The following VAV2 variants were observed in gnomAD, a reference collection of about 807,000 sequenced individuals.
VAV2 encodes the protein vav guanine nucleotide exchange factor 2, also known as guanine nucleotide exchange factor VAV2.
A neutral mutation model predicts 132.5 loss-of-function variants in VAV2; 67 were observed. The observed-to-expected ratio is 0.51, with a 90% CI of 0.42 to 0.62. VAV2 has a LOEUF of 0.62. VAV2 is among the 20% of genes least tolerant of loss of function. The pLI, the probability that VAV2 is intolerant of heterozygous loss-of-function variation, is 0.00. For missense variants in VAV2, 938 were observed against 1,153.6 expected (o/e 0.81, Z 2.71); for synonymous variants, 492 against 443.5 (o/e 1.11, Z -1.37).
chr9:133,768,588 G>A lies in VAV2; in HGVS notation c.2443C>T (p.Pro815Ser), dbSNP rs746931943. Residue 815 changes from proline (P) to serine (S), a missense_variant, in exon 29 of 30, where the codon CCC becomes TCC. Pro to Ser is a moderately conservative substitution (Grantham distance 74). Transcript: ENST00000371850. This position sits in a 1 kb window ranked among gnomAD's most constrained non-coding sequence, Gnocchi z 5.3. ...GCCACAGCTGTGCCGATGACGCGGG[G>A]CGTGAACACTGTTGAGGGAGATGGG... The part of the protein sequence containing the change: ...PSAPFWSVFT[P>S]RVIGTAVARY... The A allele has an allele frequency of 2.0e-5, 32 of 1,613,624 alleles. No individual in the cohort carries two copies. The South Asian group carries it at 3.4e-4, about 17-fold the overall frequency.
At chr9:133,986,310 T>G (rs1291680625) in intron 1 of VAV2, among the ~76,000 whole-genome samples, 1 of 152,172 alleles carries the variant, frequency 6.6e-6, no homozygotes, top group Non-Finnish European at 1.5e-5. Flanking sequence ...GAGCATTCTG[T>G]AACCAAAGGA....
At chr9:133,930,642 C>T (rs930713473) in intron 2 of VAV2, among the ~76,000 whole-genome samples, 2 of 152,220 alleles carry the variant, frequency 1.3e-5, no homozygotes, top group Non-Finnish European at 2.9e-5. Context: ...TCCACTGTAC[C>T]GCAGAGCACA....
intron 21 of VAV2, 144 bp from the exon 22 acceptor site, chr9:133,779,033 C>T: frequency 9.5e-7 from 1 of 1,047,996 alleles, no homozygotes; most frequent in Non-Finnish European, 1.4e-6. Context: ...TCCCTAAATC[C>T]TTCCCATAAG....
rs148121806 is a variant in VAV2 at position 133,820,959 on chromosome 9, G to A, written c.450-8743C>T. ...CGGAACCAGAGCGCCAGCCCCACAT[G>A]GCCCTCCACGCAATCCCACAGGGGA... On this transcript the variant is annotated intron_variant, in intron 4 of 29. Transcript: ENST00000371850. Among the ~76,000 whole-genome samples, 1,374 of 152,290 alleles carry A rather than the reference G, an allele frequency of 9.0e-3. 2 individuals carry two copies. The highest frequency in any genetic ancestry group is 0.02 in the African/African-American group (817 of 41,552).
chr9:133,901,858 A>G (rs891657690), intron 2 of VAV2, among the ~76,000 whole-genome samples: 4 of 152,358 alleles, frequency 2.6e-5, no homozygotes, highest in African/African-American at 9.6e-5. Flanking sequence ...GGTCAGTGGC[A>G]ATGTGCCACC....
rs530061730 is a variant in VAV2, at chr9:133,939,565, C to T, written c.205-346G>A. Among the ~76,000 whole-genome samples, 14 of 152,336 alleles carry T rather than the reference C, an allele frequency of 9.2e-5. No individual in the cohort carries two copies. The South Asian group carries it at 2.3e-3, about 25-fold the overall frequency. On this transcript the variant is annotated intron_variant, in intron 1 of 29. Transcript: ENST00000371850. ...CACTCCCCGTAACCGTAGGTCAGGGCGGCAAGGCAGCACCCTGGGCCCTCC... is the reference window on the plus strand; with the variant it reads ...CACTCCCCGTAACCGTAGGTCAGGGTGGCAAGGCAGCACCCTGGGCCCTCC...
intron 1 of VAV2, among the ~76,000 whole-genome samples, chr9:133,967,407 G>A (rs1412910936): frequency 9.9e-5 from 15 of 152,184 alleles, no homozygotes; most frequent in Non-Finnish European, 5.9e-5. Flanking sequence ...CACCAGGCAT[G>A]TAAACAAAAG....
intron 2 of VAV2, among the ~76,000 whole-genome samples, chr9:133,923,604 C>G (rs1294501959): frequency 6.6e-6 from 1 of 152,138 alleles, no homozygotes; most frequent in East Asian, 1.9e-4. Context: ...GGATCTAGAA[C>G]TAGAAATACC....
chr9:133,847,613 CT>C (rs1739312942), intron 3 of VAV2, among the ~76,000 whole-genome samples: 1 of 152,178 alleles, frequency 6.6e-6, no homozygotes. Flanking sequence ...CCCTGGCCCC[CT>C]GACTCCCAGG....
intron 4 of VAV2, among the ~76,000 whole-genome samples, chr9:133,827,439 G>GC (rs1836057373): frequency 2.4e-4 from 1 of 4,238 alleles, no homozygotes; most frequent in African/African-American, 1.3e-3. Context: ...GCTGACCACT[G>GC]AGTGGGGGCA....
chr9:133,763,591 C>G lies in VAV2; in HGVS notation c.*471G>C, dbSNP rs77378026. ...TGCCTCCCGAGGTCTGACACCTCCC[C>G]CTGGGAGCAGCAGGAAAAGACAGGC... is the stretch of plus-strand genomic sequence containing the variant. On this transcript the variant is annotated 3_prime_UTR_variant, in exon 30 of 30. Coordinates refer to ENST00000371850, the MANE Select transcript of VAV2 (RefSeq NM_001134398.2). The surrounding 1 kb of genome is among the most constrained non-coding windows in gnomAD (Gnocchi z 6.8). 8.0e-3 allele frequency: 1,385 copies of G among 172,584 alleles called. 20 individuals are homozygous for G. Among genetic ancestry groups the G allele is most frequent in the African/African-American group, 0.031 (1,291 of 42,022 alleles). The allele number at this position is 172,584 out of a possible 1,614,324, so 10.7% of individuals were successfully genotyped here.
chr9:133,922,046 CG>C (rs1412136400), intron 2 of VAV2, among the ~76,000 whole-genome samples: 2 of 152,248 alleles, frequency 1.3e-5, no homozygotes, highest in Non-Finnish European at 2.9e-5. Flanking sequence ...CATGCAGGCA[CG>C]GGATGGGCCC....
chr9:133,806,274 C>T, intron 8 of VAV2, 93 bp from the exon 9 acceptor site: 1 of 1,282,012 alleles, frequency 7.8e-7, no homozygotes. Flanking sequence ...TTCTGTAGTT[C>T]CCTCAAGGAG....
chr9:133,941,767 C>T (rs1356324279), intron 1 of VAV2, among the ~76,000 whole-genome samples: 1 of 152,048 alleles, frequency 6.6e-6, no homozygotes, highest in African/African-American at 2.4e-5. Context: ...CCATGCCCAG[C>T]TAATTTTTGT....
chr9:133,894,515 C>G (rs1292704128), intron 2 of VAV2, among the ~76,000 whole-genome samples: 1 of 152,194 alleles, frequency 6.6e-6, no homozygotes, highest in Middle Eastern at 3.2e-3. Flanking sequence ...CCCAGAGCTC[C>G]CCGGGTGACC....
intron 1 of VAV2, among the ~76,000 whole-genome samples, chr9:133,962,908 T>C (rs1842011172): frequency 6.6e-6 from 1 of 152,222 alleles, no homozygotes; most frequent in Non-Finnish European, 1.5e-5. Flanking sequence ...CCTCCTGAGG[T>C]TCTTTCATGG....
intron 1 of VAV2, among the ~76,000 whole-genome samples, chr9:133,972,307 G>C (rs1017493591): frequency 8.5e-5 from 13 of 152,216 alleles, no homozygotes; most frequent in African/African-American, 2.7e-4. Flanking sequence ...GTCAGGAATT[G>C]CTGGGCACCC....
At chr9:133,964,464 G>A (rs565238665) in intron 1 of VAV2, among the ~76,000 whole-genome samples, 21 of 151,896 alleles carry the variant, frequency 1.4e-4, no homozygotes, top group African/African-American at 2.7e-4. Flanking sequence ...TTTTGCATGC[G>A]TATGCTTTTT....
rs1017584942 is a variant in VAV2, at chr9:133,842,909, G to A, written c.381-8569C>T. Among the ~76,000 whole-genome samples the A allele has an allele frequency of 1.3e-5, 2 of 152,248 alleles. 1 individual carries two copies. The highest frequency in any genetic ancestry group is 4.8e-5 in the African/African-American group (2 of 41,468). The stretch of plus-strand genomic sequence containing the variant: ...AGGCACCATCAGGAAGCGCAGCGTG[G>A]AGGGCCCGCCAGACCCGTTTAATTA... On this transcript the variant is annotated intron_variant, in intron 3 of 29. Coordinates refer to ENST00000371850, the MANE Select transcript of VAV2 (RefSeq NM_001134398.2).
Sources: allele counts gnomAD v4.1 joint callset (sites outside exome capture counted in the v4.1 genomes callset), GRCh38; gene constraint gnomAD v4.1.1; non-coding constraint Gnocchi (gnomAD v3.1); transcripts MANE v1.5; gene names NCBI Gene and HGNC (gene_info 2026-07-23, HGNC 2026-07-21).